Variants in KLF12 observed in about 807,000 individuals in gnomAD.
KLF12 encodes Krueppel-like factor 12.
A neutral mutation model predicts 37.8 loss-of-function variants in KLF12; 9 were observed. That is an observed-to-expected ratio of 0.24 (90% CI 0.14 to 0.42). The LOEUF (loss-of-function observed/expected upper bound fraction) is 0.42. KLF12 is among the 10% of genes least tolerant of loss of function. The pLI, the probability that KLF12 is intolerant of heterozygous loss-of-function variation, is 1.00. For synonymous variants in KLF12, 208 were observed against 202.1 expected, an observed-to-expected ratio of 1.03 and a Z score of -0.25; for missense variants, 411 against 516.0, an observed-to-expected ratio of 0.80 and a Z score of 1.97.
chr13:74,012,842 AT>A (rs35129666), intron 1 of KLF12, among the ~76,000 whole-genome samples: 4 of 152,106 alleles, frequency 2.6e-5, no homozygotes, highest in African/African-American at 9.7e-5. Flanking sequence ...ACCACTCATC[AT>A]TTTTTTCATG....
chr13:74,031,406 C>G (rs1226561711), intron 1 of KLF12, among the ~76,000 whole-genome samples: 2 of 152,092 alleles, frequency 1.3e-5, no homozygotes, highest in Admixed American at 6.5e-5. Flanking sequence ...AGGGGGCAAT[C>G]TCAGGTACAC....
chr13:74,047,794 C>A (rs7993206), intron 1 of KLF12, among the ~76,000 whole-genome samples: 1 of 152,066 alleles, frequency 6.6e-6, no homozygotes. Context: ...TCACCTCTTA[C>A]GTGTCCCATT....
intron 1 of KLF12, among the ~76,000 whole-genome samples, chr13:74,070,436 G>T (rs1874164195): frequency 6.6e-6 from 1 of 152,182 alleles, no homozygotes; most frequent in South Asian, 2.1e-4. Context: ...TTCAGCCAAG[G>T]GCCAAAGAGG....
At chr13:73,829,377 A>G (rs1884025374) in intron 4 of KLF12, among the ~76,000 whole-genome samples, 1 of 152,232 alleles carries the variant, frequency 6.6e-6, no homozygotes, top group Non-Finnish European at 1.5e-5. Context: ...TGTAATCAAC[A>G]TATCTGTTTA....
chr13:73,965,144 T>C (rs1891139975), intron 2 of KLF12, among the ~76,000 whole-genome samples: 2 of 151,926 alleles, frequency 1.3e-5, no homozygotes, highest in South Asian at 4.2e-4. Flanking sequence ...GCCTTTACCT[T>C]AGGATCCAAT....
chr13:74,144,781 C>T, the KLF12 span, among the ~76,000 whole-genome samples: 3 of 152,068 alleles, frequency 2.0e-5, no homozygotes, highest in South Asian at 2.1e-4. Flanking sequence ...ATTGAAATAT[C>T]GTCTTGTTTA....
chr13:73,818,920 G>C (rs780478717), intron 4 of KLF12, among the ~76,000 whole-genome samples: 1 of 152,212 alleles, frequency 6.6e-6, no homozygotes, highest in African/African-American at 2.4e-5. Flanking sequence ...ACATGTCCCA[G>C]TTAGAGAAAC....
intron 5 of KLF12, among the ~76,000 whole-genome samples, chr13:73,810,982 C>CCTTTTTTTTT (rs1555308732): frequency 1.6e-4 from 7 of 44,816 alleles, no homozygotes; most frequent in South Asian, 1.4e-3. Context: ...ATTTTTCTTT[C>CCTTTTTTTTT]TTTTTTTTTT....
chr13:74,185,367 G>A, the KLF12 span, among the ~76,000 whole-genome samples: 1 of 152,212 alleles, frequency 6.6e-6, no homozygotes, highest in East Asian at 1.9e-4. Context: ...TAAGGATGGA[G>A]TGAGGCTGCC....
intron 4 of KLF12, among the ~76,000 whole-genome samples, chr13:73,837,641 CAA>C (rs1196459773): frequency 1.3e-5 from 2 of 152,264 alleles, no homozygotes; most frequent in Non-Finnish European, 2.9e-5. Context: ...GTGAAACACT[CAA>C]GTCTTATCAA....
At chr13:74,181,448 G>A in the KLF12 span, among the ~76,000 whole-genome samples, 4 of 151,028 alleles carry the variant, frequency 2.6e-5, no homozygotes, top group South Asian at 4.2e-4. Flanking sequence ...TTTGGGAGGC[G>A]GAGGCAGGCG....
At chr13:73,922,778 A>G (rs887912146) in intron 3 of KLF12, among the ~76,000 whole-genome samples, 1 of 152,176 alleles carries the variant, frequency 6.6e-6, no homozygotes, top group African/African-American at 2.4e-5. Flanking sequence ...CCTACATTCA[A>G]ACTTGTAAAA....
rs528652179 is a variant in KLF12, at chr13:74,106,432, C to T, written c.-32+27307G>A. 2.6e-5 allele frequency among the ~76,000 whole-genome samples: 4 copies of T among 152,284 alleles called. No homozygotes were observed. The East Asian group carries it at 5.8e-4, about 22-fold the overall frequency. On this transcript the variant is annotated intron_variant, in intron 1 of 7. Transcript: ENST00000377669. ...TAATAGTTTCTACCATAATAAAATT[C>T]AGACCAATCTGGGGAACTTTGTAAC...
At chr13:74,300,239 G>T in the KLF12 span, among the ~76,000 whole-genome samples, 1 of 152,106 alleles carries the variant, frequency 6.6e-6, no homozygotes, top group African/African-American at 2.4e-5. Context: ...AAAAAAAAGT[G>T]TTTATTTAAT....
intron 1 of KLF12, among the ~76,000 whole-genome samples, chr13:74,104,422 G>A (rs879458639): frequency 1.1e-4 from 16 of 152,156 alleles, no homozygotes; most frequent in Admixed American, 2.0e-4. Context: ...ATTAAAGACT[G>A]TCCTTCAAAA....
the KLF12 span, among the ~76,000 whole-genome samples, chr13:74,232,758 G>A: frequency 6.6e-6 from 1 of 152,082 alleles, no homozygotes; most frequent in Non-Finnish European, 1.5e-5. Flanking sequence ...TGATAATTAT[G>A]TGGTCCCACG....
chr13:73,821,526 G>C (rs1413962544), intron 4 of KLF12, among the ~76,000 whole-genome samples: 6 of 152,148 alleles, frequency 3.9e-5, no homozygotes, highest in Non-Finnish European at 5.9e-5. Flanking sequence ...AAGTGCTCTT[G>C]CTTTTACCCA....
chr13:74,010,881 A>T (rs578096727), intron 1 of KLF12, among the ~76,000 whole-genome samples: 4 of 152,336 alleles, frequency 2.6e-5, no homozygotes, highest in African/African-American at 7.2e-5. Flanking sequence ...ATGGTTTTTC[A>T]AAGTAATATC....
intron 3 of KLF12, among the ~76,000 whole-genome samples, chr13:73,926,462 A>G (rs1334265189): frequency 6.6e-6 from 1 of 152,242 alleles, no homozygotes; most frequent in Non-Finnish European, 1.5e-5. Flanking sequence ...AGAATACAGT[A>G]GAGCATAAAC....
Sources: allele counts gnomAD v4.1 joint callset (sites outside exome capture counted in the v4.1 genomes callset), GRCh38; gene constraint gnomAD v4.1.1; transcripts MANE v1.5; gene names NCBI Gene and HGNC (gene_info 2026-07-23, HGNC 2026-07-21).